The following NEMP2 variants were observed in gnomAD, a reference collection of about 807,000 sequenced individuals.
The protein encoded by NEMP2 is nuclear envelope integral membrane protein 2, also known as UPF0571 transmembrane protein.
A neutral mutation model predicts 54.2 loss-of-function variants in NEMP2; 53 were observed. That is an observed-to-expected ratio of 0.98 (90% CI 0.78 to 1.23). The LOEUF is 1.23. NEMP2 is among the 50% of genes most tolerant of loss of function. The pLI is 0.00. For synonymous variants in NEMP2, 197 were observed against 190.3 expected, an observed-to-expected ratio of 1.04 and a Z score of -0.29; for missense variants, 455 against 511.3, an observed-to-expected ratio of 0.89 and a Z score of 1.06.
the NEMP2 span, among the ~76,000 whole-genome samples, chr2:190,480,161 T>C: frequency 0.23 from 35,251 of 152,172 alleles, 5,061 homozygotes; most frequent in South Asian, 0.34. Flanking sequence ...AGACCCTGTC[T>C]CAAAACAACA....
the NEMP2 span, among the ~76,000 whole-genome samples, chr2:190,479,879 T>G: frequency 6.6e-6 from 1 of 152,162 alleles, no homozygotes; most frequent in East Asian, 1.9e-4. Context: ...ATGTCATCAG[T>G]TAGGGGGACT....
chr2:190,487,654 G>A, the NEMP2 span, among the ~76,000 whole-genome samples: 5 of 152,114 alleles, frequency 3.3e-5, no homozygotes, highest in Admixed American at 3.3e-4. This position sits in a 1 kb window ranked among gnomAD's most constrained non-coding sequence, Gnocchi z 5.5. Context: ...AAAGGTGCTC[G>A]ACATCACTAG....
chr2:190,640,787 A>ATTTTTTTTTTTT, the NEMP2 span, among the ~76,000 whole-genome samples: 6 of 118,028 alleles, frequency 5.1e-5, no homozygotes, highest in African/African-American at 1.7e-4. Context: ...AACACATTCA[A>ATTTTTTTTTTTT]TTTTTTTTTT....
the NEMP2 span, among the ~76,000 whole-genome samples, chr2:190,574,778 T>TTCCCTCCCTTCCCTC: frequency 9.5e-6 from 1 of 105,626 alleles, no homozygotes; most frequent in Non-Finnish European, 1.8e-5. Context: ...CTCCCTTCCC[T>TTCCCTCCCTTCCCTC]CCTTCCCTCC....
chr2:190,633,093 A>G, the NEMP2 span, among the ~76,000 whole-genome samples: 8 of 152,166 alleles, frequency 5.3e-5, no homozygotes, highest in African/African-American at 1.9e-4. Flanking sequence ...TTTAAGGTCC[A>G]GATCGAATGT....
the NEMP2 span, among the ~76,000 whole-genome samples, chr2:190,592,193 A>G: frequency 4.3e-3 from 661 of 152,272 alleles, 15 homozygotes; most frequent in Non-Finnish European, 6.3e-3. The surrounding 1 kb of genome is among the most constrained non-coding windows in gnomAD (Gnocchi z 4.4). Context: ...GCCATTAACA[A>G]TGACCTGGTT....
rs1015727007 is a variant in NEMP2, at chr2:190,520,997, A to G, written c.214-1814T>C. On this transcript the variant is annotated intron_variant, in intron 2 of 8. Transcript: ENST00000409150. This position sits in a 1 kb window ranked among gnomAD's most constrained non-coding sequence, Gnocchi z 5.4. ...GTACCCCTCTTGCTTTGTCATGCTC[A>G]CTTGCAAAATCCAACTCTCCAGCAT... 6.6e-6 allele frequency among the ~76,000 whole-genome samples: 1 copy of G among 152,078 alleles called. No homozygotes were observed. Among genetic ancestry groups the G allele is most frequent in the African/African-American group, 2.4e-5 (1 of 41,400 alleles).
the NEMP2 span, among the ~76,000 whole-genome samples, chr2:190,438,810 C>T: frequency 6.6e-6 from 1 of 152,296 alleles, no homozygotes; most frequent in Non-Finnish European, 1.5e-5. The surrounding 1 kb of genome is among the most constrained non-coding windows in gnomAD (Gnocchi z 5.2). Context: ...TCCTTTATTT[C>T]CTTTCTATTA....
chr2:190,646,928 C>G, the NEMP2 span: 1 of 152,138 alleles, frequency 6.6e-6, no homozygotes. Context: ...TTCTTTTTTT[C>G]TAGCTTTCAG....
At chr2:190,557,810 A>G in the NEMP2 span, among the ~76,000 whole-genome samples, 1 of 152,216 alleles carries the variant, frequency 6.6e-6, no homozygotes, top group African/African-American at 2.4e-5. Context: ...AATCATTAAA[A>G]AGTCAGGAAA....
the NEMP2 span, among the ~76,000 whole-genome samples, chr2:190,484,405 A>G: frequency 1.3e-5 from 2 of 152,240 alleles, no homozygotes; most frequent in Non-Finnish European, 2.9e-5. Context: ...ATAACTAAGA[A>G]AGTAGAAGCA....
At chr2:190,486,075 T>C in the NEMP2 span, among the ~76,000 whole-genome samples, 1 of 152,252 alleles carries the variant, frequency 6.6e-6, no homozygotes, top group Non-Finnish European at 1.5e-5. Context: ...GCTAAGTTAC[T>C]TGGAAATAGT....
chr2:190,648,516 G>A, the NEMP2 span: 3 of 123,932 alleles, frequency 2.4e-5, no homozygotes, highest in Non-Finnish European at 5.0e-5. Context: ...GCGCGCTGTT[G>A]TTTTTTTTTT....
At chr2:190,474,277 G>C in the NEMP2 span, among the ~76,000 whole-genome samples, 1 of 151,646 alleles carries the variant, frequency 6.6e-6, no homozygotes, top group Non-Finnish European at 1.5e-5. Flanking sequence ...GAATCCAGGA[G>C]CTGGTTTTTT....
chr2:190,466,906 T>C, the NEMP2 span, among the ~76,000 whole-genome samples: 1 of 152,216 alleles, frequency 6.6e-6, no homozygotes, highest in Admixed American at 6.5e-5. Flanking sequence ...CTCCAGTGAC[T>C]GAATTCCATC....
chr2:190,467,819 A>G, the NEMP2 span, among the ~76,000 whole-genome samples: 3 of 152,242 alleles, frequency 2.0e-5, no homozygotes, highest in East Asian at 1.9e-4. This position sits in a 1 kb window ranked among gnomAD's most constrained non-coding sequence, Gnocchi z 5.5. Flanking sequence ...TTCAGTGTTC[A>G]TAATTCAGCT....
chr2:190,516,665 T>C (rs1041614124), intron 5 of NEMP2, among the ~76,000 whole-genome samples: 6 of 152,178 alleles, frequency 3.9e-5, no homozygotes, highest in African/African-American at 1.4e-4. Context: ...TACACTGAAG[T>C]TGGAGTTATA....
the NEMP2 span, among the ~76,000 whole-genome samples, chr2:190,564,468 C>A: frequency 7.2e-5 from 11 of 152,184 alleles, no homozygotes; most frequent in African/African-American, 2.2e-4. The surrounding 1 kb of genome is among the most constrained non-coding windows in gnomAD (Gnocchi z 4.2). Flanking sequence ...ATTTTGAATA[C>A]AACTACTCTT....
chr2:190,648,531 T>TTC, the NEMP2 span: 1 of 149,490 alleles, frequency 6.7e-6, no homozygotes, highest in African/African-American at 2.4e-5. Flanking sequence ...TTTTTTTTTT[T>TTC]TTTTTTTAAA....
Sources: gnomAD v4.1 joint callset for allele counts (sites outside exome capture counted in the v4.1 genomes callset) on GRCh38, gnomAD v4.1.1 for gene constraint, Gnocchi (gnomAD v3.1) non-coding constraint, MANE v1.5 for transcripts, NCBI Gene and HGNC (gene_info 2026-07-23, HGNC 2026-07-21) for gene names.